The following FAM149B1 variants were observed in gnomAD, a reference collection of about 807,000 sequenced individuals.
The protein encoded by FAM149B1 is primary cilium assembly protein FAM149B1.
In FAM149B1, 56 loss-of-function variants were observed where a neutral mutation model predicts 75.3. The ratio of observed to expected loss-of-function variants is 0.74; its 90% CI spans 0.60 to 0.93. The LOEUF (loss-of-function observed/expected upper bound fraction) is 0.93. FAM149B1 is among the 40% of genes least tolerant of loss of function. The probability of loss-of-function intolerance (pLI) is 0.00; values close to 1 mark genes in which losing one functional copy is unlikely to be tolerated. For synonymous variants in FAM149B1, 259 were observed against 256.1 expected (o/e 1.01, Z -0.11); for missense variants, 639 against 708.4 (o/e 0.90, Z 1.11).
At chr10:73,188,280 G>A (rs977546739) in intron 3 of FAM149B1, among the ~76,000 whole-genome samples, 1 of 151,998 alleles carries the variant, frequency 6.6e-6, no homozygotes, top group African/African-American at 2.4e-5. Flanking sequence ...ATATCCATGT[G>A]CAAAAAGATG....
At chr10:73,179,126 A>C (rs1410199565) in intron 3 of FAM149B1, among the ~76,000 whole-genome samples, 1 of 151,822 alleles carries the variant, frequency 6.6e-6, no homozygotes, top group Non-Finnish European at 1.5e-5. Context: ...CACCATGGCC[A>C]GCTAATTTTT....
intron 5 of FAM149B1, among the ~76,000 whole-genome samples, chr10:73,203,115 G>A (rs1487057243): frequency 6.6e-6 from 1 of 152,116 alleles, no homozygotes; most frequent in Non-Finnish European, 1.5e-5. Flanking sequence ...TGTTTTTTCT[G>A]AAGTTTTCTT....
At chr10:73,177,268 T>G (rs1844009982) in intron 2 of FAM149B1, among the ~76,000 whole-genome samples, 1 of 152,054 alleles carries the variant, frequency 6.6e-6, no homozygotes, top group South Asian at 2.1e-4. Context: ...CTGAAATGTC[T>G]TTAGTTGTCA....
At chr10:73,235,458 A>C in intron 12 of FAM149B1, 140 bp downstream of exon 12, 1 of 1,447,290 alleles carries the variant, frequency 6.9e-7, no homozygotes. Context: ...AAAAAGTGTT[A>C]TAAATACATT....
At chr10:73,227,737 AG>A (rs781471700) in intron 7 of FAM149B1, among the ~76,000 whole-genome samples, 2 of 152,256 alleles carry the variant, frequency 1.3e-5, no homozygotes, top group African/African-American at 4.8e-5. Context: ...TAGCTATAGG[AG>A]GGTGGTGGCT....
At position 73,243,349 on chromosome 10, in the gene FAM149B1, C is replaced by T. The variant is rs765933987; in HGVS notation, c.*2330C>T. ...GCCTTCAAATCCTGCCTGCACCTTG[C>T]CTACGATGGCATCAATTTACACCTA... On this transcript the variant is annotated 3_prime_UTR_variant, in exon 14 of 14. Coordinates refer to ENST00000242505, the MANE Select transcript of FAM149B1 (RefSeq NM_173348.2). The T allele has an allele frequency of 6.2e-6, 10 of 1,604,468 alleles. No homozygotes were observed. The African/African-American group carries it at 1.1e-4, about 17-fold the overall frequency.
chr10:73,236,185 T>C (rs1019198989), intron 12 of FAM149B1, among the ~76,000 whole-genome samples: 3 of 151,632 alleles, frequency 2.0e-5, no homozygotes, highest in Non-Finnish European at 4.4e-5. Context: ...GACCTCTGTA[T>C]TAGTTTCCTA....
rs1026171003 is a variant in FAM149B1 at position 73,230,416 on chromosome 10, A to C, written c.1024-6A>C. On this transcript the variant is annotated splice_region_variant and splice_polypyrimidine_tract_variant and intron_variant, in intron 8 of 13. Transcript: ENST00000242505. Reference sequence around the variant, plus strand: ...ATCAAGAGTACTGTCTTCTTTCAACACGTAGATGAGTCTCTGTCAAGCAAG... The same window carrying C: ...ATCAAGAGTACTGTCTTCTTTCAACCCGTAGATGAGTCTCTGTCAAGCAAG... The C allele has an allele frequency of 4.7e-6, 7 of 1,491,852 alleles. No homozygotes were observed. Among genetic ancestry groups the C allele is most frequent in the Non-Finnish European group, 5.5e-6 (6 of 1,092,224 alleles). The allele number at this position is 1,491,852 out of a possible 1,614,324, so 92.4% of individuals were successfully genotyped here. A position where few individuals can be genotyped will look rare whatever the true frequency, so the allele number is the denominator to read the frequency against.
Position 73,243,466 on chromosome 10 carries a change from T to A in FAM149B1, c.*2447T>A, listed in dbSNP as rs530072259. On this transcript the variant is annotated 3_prime_UTR_variant, in exon 14 of 14. Coordinates refer to ENST00000242505, the MANE Select transcript of FAM149B1 (RefSeq NM_173348.2). ...CTTTGGAAGATTTGCAGTACTTTGC[T>A]TCCATCTGAGCCAGAAAATTGTCCA... The A allele has an allele frequency of 5.0e-6, 8 of 1,614,136 alleles. No individual in the cohort carries two copies. The highest frequency in any genetic ancestry group is 1.3e-5 in the African/African-American group (1 of 75,048).
chr10:73,210,800 G>A (rs2043170268), intron 7 of FAM149B1, among the ~76,000 whole-genome samples: 1 of 151,926 alleles, frequency 6.6e-6, no homozygotes, highest in African/African-American at 2.4e-5. Flanking sequence ...TCTAGCCTGG[G>A]CATAAGATGA....
chr10:73,179,973 A>G (rs914505618), intron 3 of FAM149B1, among the ~76,000 whole-genome samples: 1 of 152,134 alleles, frequency 6.6e-6, no homozygotes, highest in Non-Finnish European at 1.5e-5. Context: ...TCATTCCACA[A>G]ATATTTATTG....
intron 7 of FAM149B1, among the ~76,000 whole-genome samples, chr10:73,221,451 AG>A (rs2043412916): frequency 6.6e-6 from 1 of 152,158 alleles, no homozygotes. Context: ...TTTGCCTTCT[AG>A]TACTTTTAAA....
chr10:73,187,122 A>C (rs2042544586), intron 3 of FAM149B1, among the ~76,000 whole-genome samples: 1 of 152,332 alleles, frequency 6.6e-6, no homozygotes. Flanking sequence ...AGAATAAAAA[A>C]AGTTCTTAGC....
At position 73,243,932 on chromosome 10, in the gene FAM149B1, G is replaced by T. The variant is rs757659619; in HGVS notation, c.*2913G>T. The T allele has an allele frequency of 1.2e-6, 2 of 1,613,652 alleles. No homozygotes were observed. The highest frequency in any genetic ancestry group is 4.5e-5 in the East Asian group (2 of 44,860). On this transcript the variant is annotated 3_prime_UTR_variant, in exon 14 of 14. Coordinates refer to ENST00000242505, the MANE Select transcript of FAM149B1 (RefSeq NM_173348.2). ...GCTTCTTTGGCCTCTTCCTGAGCCTGAAACAGGAACTCACATGAGACTCAG... is the reference window on the plus strand; with the variant it reads ...GCTTCTTTGGCCTCTTCCTGAGCCTTAAACAGGAACTCACATGAGACTCAG...
intron 3 of FAM149B1, among the ~76,000 whole-genome samples, chr10:73,181,506 A>T (rs2042397826): frequency 6.6e-6 from 1 of 152,230 alleles, no homozygotes; most frequent in Admixed American, 6.5e-5. Flanking sequence ...TCATTGACCC[A>T]CTGGTCATTC....
chr10:73,193,939 T>C (rs1435853212), intron 5 of FAM149B1, among the ~76,000 whole-genome samples: 1 of 152,170 alleles, frequency 6.6e-6, no homozygotes, highest in African/African-American at 2.4e-5. Context: ...GTGGGGATTC[T>C]CTGCAGGGTC....
chr10:73,200,292 A>T (rs749065056), intron 5 of FAM149B1: 1 of 352,632 alleles, frequency 2.8e-6, no homozygotes, highest in South Asian at 3.0e-5. Context: ...AGATTGCACC[A>T]TTGCACTCCA....
chr10:73,171,135 G>A lies in FAM149B1; in HGVS notation c.47+2749G>A, dbSNP rs540493062. Among the ~76,000 whole-genome samples, 4 of 152,198 alleles carry A rather than the reference G, an allele frequency of 2.6e-5. No individual in the cohort carries two copies. The East Asian group carries it at 7.7e-4, about 29-fold the overall frequency. ...TGCCCAGCTAATTTTTGTATTTTTA[G>A]TAGAGATGGGGTTTCACCCCAGGCT... On this transcript the variant is annotated intron_variant, in intron 1 of 13. Transcript: ENST00000242505.
At position 73,168,148 on chromosome 10, in the gene FAM149B1, T is replaced by G; in HGVS notation, c.-192T>G. 2 of 590,512 alleles carry G rather than the reference T, an allele frequency of 3.4e-6. No individual in the cohort carries two copies. Among genetic ancestry groups the G allele is most frequent in the South Asian group, 2.2e-5 (1 of 45,134 alleles). The allele number at this position is 590,512 out of a possible 1,614,324, so 36.6% of individuals were successfully genotyped here. ...CCGCCCCCGCGGCAAAGCAGGGAGG[T>G]CGGAGGACTGGAGAGGTGGGGACCC... On this transcript the variant is annotated 5_prime_UTR_variant, in exon 1 of 14. Transcript: ENST00000242505.
Sources: gnomAD v4.1 joint callset for allele counts (sites outside exome capture counted in the v4.1 genomes callset) on GRCh38, gnomAD v4.1.1 for gene constraint, MANE v1.5 for transcripts, NCBI Gene and HGNC (gene_info 2026-07-23, HGNC 2026-07-21) for gene names.